TMTC1: variants seen among roughly 807,000 people sequenced by gnomAD.
TMTC1 encodes transmembrane O-mannosyltransferase targeting cadherins 1.
TMTC1 carries 73 observed loss-of-function variants against 104.8 expected under a neutral mutation model. The observed-to-expected ratio is 0.70, with a 90% CI of 0.58 to 0.85. The LOEUF (loss-of-function observed/expected upper bound fraction) is 0.85, where lower values mean the gene tolerates loss of function less well. TMTC1 is among the 40% of genes least tolerant of loss of function. TMTC1 has a pLI of 0.00. For missense variants in TMTC1, 1,035 were observed against 1,096.1 expected (o/e 0.94, Z 0.79); for synonymous variants, 434 against 428.7 (o/e 1.01, Z -0.15).
chr12:29,567,393 TC>T (rs1945545988), intron 9 of TMTC1, among the ~76,000 whole-genome samples: 1 of 152,146 alleles, frequency 6.6e-6, no homozygotes, highest in African/African-American at 2.4e-5. Flanking sequence ...TGACTTAAAT[TC>T]GTTTTTTTTT....
chr12:29,656,147 T>C (rs1390721107), intron 5 of TMTC1, among the ~76,000 whole-genome samples: 1 of 151,998 alleles, frequency 6.6e-6, no homozygotes, highest in Non-Finnish European at 1.5e-5. Context: ...CAGTCCACTT[T>C]AAGAATCACC....
chr12:29,541,321 G>A (rs1473473243), intron 10 of TMTC1, among the ~76,000 whole-genome samples: 1 of 152,138 alleles, frequency 6.6e-6, no homozygotes, highest in African/African-American at 2.4e-5. Context: ...TAAAAGCACA[G>A]ACTTAAAAAC....
chr12:29,764,983 T>G (rs1943430330), intron 2 of TMTC1, among the ~76,000 whole-genome samples: 1 of 152,238 alleles, frequency 6.6e-6, no homozygotes, highest in Non-Finnish European at 1.5e-5. Flanking sequence ...ATTTGTTCTT[T>G]CACGCAGTAA....
At chr12:29,626,050 A>G (rs1937972477) in intron 6 of TMTC1, among the ~76,000 whole-genome samples, 1 of 152,228 alleles carries the variant, frequency 6.6e-6, no homozygotes, top group South Asian at 2.1e-4. Context: ...ACTAAAATCT[A>G]TTTGAACAGA....
chr12:29,707,104 C>T (rs1437828329), intron 5 of TMTC1, among the ~76,000 whole-genome samples: 2 of 152,086 alleles, frequency 1.3e-5, no homozygotes, highest in Admixed American at 1.3e-4. Flanking sequence ...AAGATGAACT[C>T]CCTGCAAAAT....
intron 16 of TMTC1, among the ~76,000 whole-genome samples, chr12:29,513,155 T>C (rs1386064311): frequency 6.6e-6 from 1 of 152,194 alleles, no homozygotes; most frequent in Non-Finnish European, 1.5e-5. Context: ...CCCACTTCTG[T>C]GACTTTGAGC....
chr12:29,751,999 C>A (rs1162893591), intron 4 of TMTC1, 127 bp from the exon 5 acceptor site: 2 of 869,368 alleles, frequency 2.3e-6, no homozygotes, highest in Non-Finnish European at 3.4e-6. Flanking sequence ...AAGTCTTTAG[C>A]CCTTGTGTTT....
At chr12:29,600,008 A>ATATATATATATATAT (rs59108744) in intron 7 of TMTC1, among the ~76,000 whole-genome samples, 47 of 118,672 alleles carry the variant, frequency 4.0e-4, no homozygotes, top group African/African-American at 1.7e-3. Context: ...ATATATATAT[A>ATATATATATATATAT]TTTTTTTTTT....
At chr12:29,661,229 A>G in intron 5 of TMTC1, 2 of 356,688 alleles carry the variant, frequency 5.6e-6, no homozygotes, top group South Asian at 1.1e-4. Flanking sequence ...TATCCCATCG[A>G]ATCCCAAATA....
chr12:29,775,342 T>C (rs2120606945), intron 1 of TMTC1, among the ~76,000 whole-genome samples: 2 of 152,276 alleles, frequency 1.3e-5, no homozygotes, highest in East Asian at 3.9e-4. Flanking sequence ...ACAAAACTCC[T>C]CACACTTCAG....
intron 5 of TMTC1, among the ~76,000 whole-genome samples, chr12:29,688,040 C>T (rs1941150697): frequency 6.6e-6 from 1 of 152,092 alleles, no homozygotes; most frequent in Non-Finnish European, 1.5e-5. Context: ...AGAAAACATA[C>T]ACTGAAACAT....
chr12:29,515,996 C>A (rs191862773), intron 15 of TMTC1, among the ~76,000 whole-genome samples: 1 of 149,098 alleles, frequency 6.7e-6, no homozygotes, highest in Non-Finnish European at 1.5e-5. Context: ...TCATAACAAC[C>A]CTGTAAAGCA....
chr12:29,759,716 G>C (rs1279765016), intron 2 of TMTC1, among the ~76,000 whole-genome samples: 1 of 152,164 alleles, frequency 6.6e-6, no homozygotes, highest in African/African-American at 2.4e-5. Flanking sequence ...TGACACCAGG[G>C]CTGAGGCTGG....
chr12:29,517,042 C>G (rs189366235), intron 14 of TMTC1, among the ~76,000 whole-genome samples: 5 of 152,262 alleles, frequency 3.3e-5, no homozygotes, highest in Non-Finnish European at 7.4e-5. Context: ...AAAAATAACA[C>G]ACACTAATAA....
intron 6 of TMTC1, among the ~76,000 whole-genome samples, chr12:29,630,578 C>T (rs527342653): frequency 7.2e-5 from 11 of 152,254 alleles, no homozygotes; most frequent in Admixed American, 7.2e-4. Context: ...CACTTAGCAC[C>T]ATGTTCATCC....
intron 10 of TMTC1, among the ~76,000 whole-genome samples, chr12:29,550,979 G>A (rs1945086632): frequency 7.3e-6 from 1 of 136,084 alleles, no homozygotes; most frequent in African/African-American, 2.9e-5. Flanking sequence ...AAAGAGCAGG[G>A]AGACAGAGCT....
At chr12:29,711,837 C>G (rs1158767968) in intron 5 of TMTC1, among the ~76,000 whole-genome samples, 1 of 151,770 alleles carries the variant, frequency 6.6e-6, no homozygotes. Context: ...AACCCCGTCT[C>G]TACTAAAAAT....
intron 5 of TMTC1, among the ~76,000 whole-genome samples, chr12:29,647,855 A>T (rs78182797): frequency 0.015 from 2,293 of 152,282 alleles, 56 homozygotes; most frequent in African/African-American, 0.053. Context: ...AAGACAACCA[A>T]TTTGAATGTG....
At chr12:29,546,865 A>C (rs299464) in intron 10 of TMTC1, among the ~76,000 whole-genome samples, 115,862 of 151,998 alleles carry the variant, frequency 0.76, 44,363 homozygotes, top group Middle Eastern at 0.85. Context: ...ATAGCCACTG[A>C]ACTCCAGCCT....
Sources: gnomAD v4.1 joint callset for allele counts (sites outside exome capture counted in the v4.1 genomes callset) on GRCh38, gnomAD v4.1.1 for gene constraint, MANE v1.5 for transcripts, NCBI Gene and HGNC (gene_info 2026-07-23, HGNC 2026-07-21) for gene names.